The following CTNNA2 variants were observed in gnomAD, a reference collection of about 807,000 sequenced individuals.
CTNNA2 encodes the protein catenin alpha 2, also known as catenin alpha-2.
A neutral mutation model predicts 101.0 loss-of-function variants in CTNNA2; 42 were observed. The ratio of observed to expected loss-of-function variants is 0.42; its 90% CI spans 0.32 to 0.54. The LOEUF (loss-of-function observed/expected upper bound fraction) is 0.54. Ranked by LOEUF, CTNNA2 falls within the 20% of genes least tolerant of loss-of-function variation. The pLI is 0.14. For missense variants in CTNNA2, 871 were observed against 1,223.1 expected (o/e 0.71, Z 4.29); for synonymous variants, 450 against 456.4 (o/e 0.99, Z 0.18).
At chr2:79,187,338 C>T (rs1673794728) in intron 1 of CTNNA2, among the ~76,000 whole-genome samples, 1 of 141,016 alleles carries the variant, frequency 7.1e-6, no homozygotes, top group African/African-American at 2.7e-5. Flanking sequence ...GGCACAATCT[C>T]AGCTCACTGC....
chr2:79,428,609 C>CA lies in CTNNA2; in HGVS notation c.-135+54604dup, dbSNP rs923165538. Among the ~76,000 whole-genome samples, 9 of 151,366 alleles carry CA rather than the reference C, an allele frequency of 5.9e-5. 1 individual carries two copies. The highest frequency in any genetic ancestry group is 2.1e-4 in the South Asian group (1 of 4,788). ...CAGAAACATGTAAAAAACAAAATAA[C>CA]AAAAAAAAGAAACAGGCAAGCTTTG... is the stretch of plus-strand genomic sequence containing the variant. On this transcript the variant is annotated intron_variant, in intron 4 of 21. Coordinates refer to the CTNNA2 transcript ENST00000466387.
intron 9 of CTNNA2, among the ~76,000 whole-genome samples, chr2:80,445,152 T>G (rs1034170511): frequency 1.2e-4 from 19 of 152,112 alleles, no homozygotes; most frequent in African/African-American, 4.6e-4. Context: ...TTTGTGTTTT[T>G]TTGTTTGTTT....
rs1227840946 is a variant in CTNNA2 at position 80,462,656 on chromosome 2, G to A, written c.1290+43055G>A. On this transcript the variant is annotated intron_variant, in intron 9 of 18. Coordinates refer to ENST00000402739, the MANE Select transcript of CTNNA2 (RefSeq NM_001282597.3). ...CTTTTTTTTTTTTTTTTTTTTTGAC[G>A]AATAAAGAGCTGCTGGGTCATCACT... Among the ~76,000 whole-genome samples the A allele has an allele frequency of 1.6e-4, 8 of 51,126 alleles. No individual in the cohort carries two copies. In the East Asian group the frequency reaches 7.4e-3, roughly 47 times the overall value. The allele number at this position is 51,126 out of a possible 152,430, so 33.5% of individuals were successfully genotyped here. A position where few individuals can be genotyped will look rare whatever the true frequency, so the allele number is the denominator to read the frequency against.
At chr2:80,076,397 G>A (rs1573006916) in intron 7 of CTNNA2, among the ~76,000 whole-genome samples, 1 of 151,716 alleles carries the variant, frequency 6.6e-6, no homozygotes, top group South Asian at 2.1e-4. Context: ...TCCCTGCTCA[G>A]CCTCCCTAGT....
intron 18 of CTNNA2, among the ~76,000 whole-genome samples, chr2:80,634,560 T>C (rs1199977894): frequency 6.6e-6 from 1 of 152,042 alleles, no homozygotes; most frequent in Non-Finnish European, 1.5e-5. Context: ...CAGTCTGTGA[T>C]TGGGAAGCCA....
intron 7 of CTNNA2, among the ~76,000 whole-genome samples, chr2:80,239,647 C>A (rs1647082225): frequency 6.6e-6 from 1 of 152,026 alleles, no homozygotes; most frequent in African/African-American, 2.4e-5. Flanking sequence ...CGTGGTGGCT[C>A]ACATCTGTAA....
At chr2:80,510,550 C>A (rs1559168915) in intron 9 of CTNNA2, among the ~76,000 whole-genome samples, 1 of 152,142 alleles carries the variant, frequency 6.6e-6, no homozygotes, top group Non-Finnish European at 1.5e-5. Context: ...ATCATACATG[C>A]CAATGGTTTC....
chr2:79,415,704 T>C (rs1391054672), intron 4 of CTNNA2, among the ~76,000 whole-genome samples: 1 of 152,130 alleles, frequency 6.6e-6, no homozygotes, highest in Non-Finnish European at 1.5e-5. Flanking sequence ...TCCTGTTATA[T>C]TTGAACATAT....
chr2:80,057,847 A>C (rs1393126806), intron 7 of CTNNA2, among the ~76,000 whole-genome samples: 1 of 152,214 alleles, frequency 6.6e-6, no homozygotes, highest in Non-Finnish European at 1.5e-5. Context: ...AACAAGCCAC[A>C]AAATGGAAAC....
At chr2:79,791,831 GC>G (rs1180031522) in intron 3 of CTNNA2, among the ~76,000 whole-genome samples, 3 of 152,128 alleles carry the variant, frequency 2.0e-5, no homozygotes, top group Non-Finnish European at 4.4e-5. Context: ...CCCATGTGCA[GC>G]AAGGGATCAT....
chr2:79,951,253 A>G (rs1311749621), intron 7 of CTNNA2, among the ~76,000 whole-genome samples: 1 of 152,228 alleles, frequency 6.6e-6, no homozygotes, highest in African/African-American at 2.4e-5. Context: ...CTAAAAAAGT[A>G]CAGATATCAA....
intron 2 of CTNNA2, among the ~76,000 whole-genome samples, chr2:79,253,269 G>C (rs1674796616): frequency 6.6e-6 from 1 of 152,192 alleles, no homozygotes; most frequent in South Asian, 2.1e-4. Flanking sequence ...AGTTATCTCT[G>C]TGCAGTGTTG....
chr2:80,231,810 G>C (rs780358657), intron 7 of CTNNA2, among the ~76,000 whole-genome samples: 1 of 152,160 alleles, frequency 6.6e-6, no homozygotes, highest in African/African-American at 2.4e-5. Context: ...CTGCACAGCT[G>C]TCTCTTATGG....
intron 6 of CTNNA2, among the ~76,000 whole-genome samples, chr2:79,899,293 A>T (rs1260165690): frequency 6.6e-6 from 1 of 152,154 alleles, no homozygotes; most frequent in Non-Finnish European, 1.5e-5. Flanking sequence ...AAAGCTAAGG[A>T]TTATTATCTT....
intron 1 of CTNNA2, among the ~76,000 whole-genome samples, chr2:79,638,382 G>C (rs1367401): frequency 0.33 from 50,439 of 152,034 alleles, 9,124 homozygotes; most frequent in East Asian, 0.64. Context: ...TTTTACATAT[G>C]ATTTTCTGTA....
chr2:79,860,546 GTT>G lies in CTNNA2; in HGVS notation c.465+2385_465+2386del, dbSNP rs56929879. Among the ~76,000 whole-genome samples, 11 of 107,168 alleles carry G rather than the reference GTT, an allele frequency of 1.0e-4. No individual in the cohort carries two copies. The South Asian group carries it at 2.5e-3, about 24-fold the overall frequency. The allele number at this position is 107,168 out of a possible 152,430, so 70.3% of individuals were successfully genotyped here. ...TTCTCCACACAGCCGAGTAAGGGAAGTTTTTTTTTTTTTTTTTTTAACGATTT... is the reference window on the plus strand; with the variant it reads ...TTCTCCACACAGCCGAGTAAGGGAAGTTTTTTTTTTTTTTTTTAACGATTT... On this transcript the variant is annotated intron_variant, in intron 4 of 18. Transcript: ENST00000402739.
chr2:79,245,249 A>G (rs1674684607), intron 2 of CTNNA2, among the ~76,000 whole-genome samples: 2 of 152,184 alleles, frequency 1.3e-5, no homozygotes, highest in Non-Finnish European at 2.9e-5. Context: ...TCCAGTGTTC[A>G]GGAGCAGCCT....
intron 15 of CTNNA2, chr2:80,601,872 A>G (rs1317204415): frequency 1.3e-5 from 2 of 152,084 alleles, no homozygotes; most frequent in Admixed American, 1.3e-4. Flanking sequence ...GTATTAATGT[A>G]TGTAGTTAAG....
chr2:80,363,714 G>T (rs1674642020), intron 7 of CTNNA2, among the ~76,000 whole-genome samples: 1 of 152,110 alleles, frequency 6.6e-6, no homozygotes, highest in African/African-American at 2.4e-5. Context: ...TATGATTCTG[G>T]AAATTACAAT....
Sources: allele counts gnomAD v4.1 joint callset (sites outside exome capture counted in the v4.1 genomes callset), GRCh38; gene constraint gnomAD v4.1.1; transcripts MANE v1.5; gene names NCBI Gene and HGNC (gene_info 2026-07-23, HGNC 2026-07-21).